Variants in NUP210 observed in about 807,000 individuals in gnomAD.
The protein encoded by NUP210 is nuclear pore membrane glycoprotein 210.
In NUP210, 151 loss-of-function variants were observed where a neutral mutation model predicts 196.0. That is an observed-to-expected ratio of 0.77 (90% CI 0.67 to 0.88). The LOEUF (loss-of-function observed/expected upper bound fraction) is 0.88, where lower values mean the gene tolerates loss of function less well. Among genes scored for constraint, NUP210 ranks in the 40% least tolerant of loss-of-function variants. The probability of loss-of-function intolerance (pLI) is 0.00; values close to 1 mark genes in which losing one functional copy is unlikely to be tolerated. For synonymous variants in NUP210, 1,070 were observed against 1,052.7 expected (o/e 1.02, Z -0.32); for missense variants, 2,314 against 2,493.7 (o/e 0.93, Z 1.53).
At chr3:13,392,954 A>G (rs1447933801) in intron 3 of NUP210, among the ~76,000 whole-genome samples, 1 of 151,418 alleles carries the variant, frequency 6.6e-6, no homozygotes, top group Non-Finnish European at 1.5e-5. Flanking sequence ...GGCCAGCTTT[A>G]CAGTGTGCTC....
chr3:13,333,928 G>T (rs1697104374), intron 28 of NUP210, among the ~76,000 whole-genome samples: 1 of 152,136 alleles, frequency 6.6e-6, no homozygotes, highest in Non-Finnish European at 1.5e-5. Context: ...ACTGATACTT[G>T]ATATCACTGT....
At chr3:13,393,629 G>A (rs1223767203) in intron 3 of NUP210, among the ~76,000 whole-genome samples, 3 of 152,236 alleles carry the variant, frequency 2.0e-5, no homozygotes, top group East Asian at 1.9e-4. Context: ...ACCCAGCTGC[G>A]TGGGCCCTGG....
chr3:13,339,799 A>G (rs1296802840), intron 25 of NUP210, 55 bp downstream of exon 25: 2 of 1,492,358 alleles, frequency 1.3e-6, no homozygotes, highest in African/African-American at 1.4e-5. Context: ...CAAACACAGT[A>G]AAGAGGCTTC....
At position 13,399,695 on chromosome 3, in the gene NUP210, C is replaced by A. The variant is rs372788480; in HGVS notation, c.304+30G>T. 1.7e-5 allele frequency: 28 copies of A among 1,613,394 alleles called. No homozygotes were observed. In the East Asian group the frequency reaches 6.2e-4, roughly 36 times the overall value. On this transcript the variant is annotated intron_variant, in intron 2 of 39. Coordinates refer to ENST00000254508, the MANE Select transcript of NUP210 (RefSeq NM_024923.4). ...GCGTTTCCCTGTCTCTGGCTCCCAC[C>A]GGGGATCACACACAGCACTCAGCCC...
At chr3:13,358,478 CCT>C in intron 15 of NUP210, 83 bp from the exon 16 acceptor site, 1 of 1,367,700 alleles carries the variant, frequency 7.3e-7, no homozygotes, top group Non-Finnish European at 9.9e-7. Flanking sequence ...ACCCCAGCTC[CCT>C]CTGACTCAGT....
rs751004485 is a variant in NUP210 at position 13,371,897 on chromosome 3, C to A, written c.1723G>T (p.Asp575Tyr). Residue 575 changes from aspartate to tyrosine, a missense_variant, in exon 13 of 40, where the codon GAC becomes TAC. Asp to Tyr is a radical substitution (Grantham distance 160, BLOSUM62 -3). Transcript: ENST00000254508. Reference sequence around the variant, plus strand: ...ACAGCCAAGTCAAAGTGGGAGCAGTCGCTCAAGGTGACCACCTCACTGGCC... The same window carrying A: ...ACAGCCAAGTCAAAGTGGGAGCAGTAGCTCAAGGTGACCACCTCACTGGCC... ...GGASEVVTLS[D>Y]CSHFDLAVEV... is the part of the protein sequence containing the mutation. The A allele has an allele frequency of 1.2e-6, 2 of 1,610,160 alleles. No individual in the cohort carries two copies. The highest frequency in any genetic ancestry group is 1.7e-6 in the Non-Finnish European group (2 of 1,178,542).
In NUP210 at chr3:13,379,765, A is replaced by T. The variant is rs975149806; in HGVS notation, c.818-44T>A. 15 of 1,517,796 alleles carry T rather than the reference A, an allele frequency of 9.9e-6. No homozygotes were observed. Among genetic ancestry groups the T allele is most frequent in the Non-Finnish European group, 1.3e-5 (15 of 1,130,780 alleles). The allele number at this position is 1,517,796 out of a possible 1,614,324, so 94.0% of individuals were successfully genotyped here. On this transcript the variant is annotated intron_variant, in intron 6 of 39. Coordinates refer to ENST00000254508, the MANE Select transcript of NUP210 (RefSeq NM_024923.4). This position sits in a 1 kb window ranked among gnomAD's most constrained non-coding sequence, Gnocchi z 4.2. ...AAAATAACAGGGAAAGAGAGAGCAA[A>T]GACAGGAAATGTTAGAAGCCAATAC...
In NUP210 at chr3:13,400,800, G is replaced by A. The variant is rs1191478286; in HGVS notation, c.168-939C>T. Among the ~76,000 whole-genome samples, 5 of 152,122 alleles carry A rather than the reference G, an allele frequency of 3.3e-5. No individual in the cohort carries two copies. In the South Asian group the frequency reaches 6.2e-4, roughly 19 times the overall value. ...AGGCCCCAGGAGGGGCCACTAAGCC[G>A]TGCCTGGCGCTTGTCTCTCGGGGCC... On this transcript the variant is annotated intron_variant, in intron 1 of 39. Coordinates refer to ENST00000254508, the MANE Select transcript of NUP210 (RefSeq NM_024923.4).
Position 13,375,169 on chromosome 3 carries a change from G to A in NUP210, c.1431+335C>T, listed in dbSNP as rs142937265. ...TTTTTTTTTTTTTTCCTTTTTTTGA[G>A]TAGAGATGGAGGTCTCCCTATGTTG... On this transcript the variant is annotated intron_variant, in intron 11 of 39. Transcript: ENST00000254508. 2.1e-3 allele frequency among the ~76,000 whole-genome samples: 280 copies of A among 132,244 alleles called. 1 individual carries two copies. Among genetic ancestry groups the A allele is most frequent in the Non-Finnish European group, 3.5e-3 (221 of 63,440 alleles). 86.8% of individuals were successfully genotyped at this position (132,244 alleles called of 152,430 possible).
At chr3:13,332,412 G>A (rs370417888) in intron 28 of NUP210, 28 bp from the exon 29 acceptor site, 45 of 1,555,706 alleles carry the variant, frequency 2.9e-5, no homozygotes, top group African/African-American at 2.2e-4. Context: ...TTTCACTTCC[G>A]ATGGGGCACT....
chr3:13,351,643 T>C (rs1697975556), intron 20 of NUP210: 2 of 469,664 alleles, frequency 4.3e-6, no homozygotes, highest in South Asian at 4.5e-5. Flanking sequence ...TGTGCTACCA[T>C]GCCCAGCTAA....
At chr3:13,402,847 C>T (rs574836665) in intron 1 of NUP210, among the ~76,000 whole-genome samples, 69 of 152,352 alleles carry the variant, frequency 4.5e-4, no homozygotes, top group Admixed American at 1.7e-3. Flanking sequence ...CTTCCCTCAA[C>T]ATCCCCACCA....
rs1471571537 is a variant in NUP210 at position 13,380,810 on chromosome 3, G to A, written c.818-1089C>T. Among the ~76,000 whole-genome samples the A allele has an allele frequency of 2.0e-5, 3 of 152,258 alleles. No homozygotes were observed. The East Asian group carries it at 5.8e-4, about 29-fold the overall frequency. On this transcript the variant is annotated intron_variant, in intron 6 of 39. Transcript: ENST00000254508. ...TTTCAGAATCTCCAGGGATTCTGATGAGAATTCTAAAAGAGAGGAAACTTG... is the reference window on the plus strand; with the variant it reads ...TTTCAGAATCTCCAGGGATTCTGATAAGAATTCTAAAAGAGAGGAAACTTG...
intron 20 of NUP210, among the ~76,000 whole-genome samples, chr3:13,349,432 A>G (rs1188389418): frequency 6.6e-6 from 1 of 152,084 alleles, no homozygotes; most frequent in African/African-American, 2.4e-5. Flanking sequence ...CATTCGTGGG[A>G]TGGAGGCTCT....
intron 14 of NUP210, 90 bp from the exon 15 acceptor site, chr3:13,360,581 T>G: frequency 1.0e-6 from 1 of 984,194 alleles, no homozygotes; most frequent in Non-Finnish European, 1.5e-6. Flanking sequence ...TCACCCCGCT[T>G]GTGGGGGCTG....
At position 13,317,708 on chromosome 3, in the gene NUP210, C is replaced by A. The variant is rs1441779497; in HGVS notation, c.5637G>T (p.Leu1879=). 3 of 1,610,782 alleles carry A rather than the reference C, an allele frequency of 1.9e-6. No individual in the cohort carries two copies. Among genetic ancestry groups the A allele is most frequent in the Non-Finnish European group, 2.5e-6 (3 of 1,178,868 alleles). The change falls in exon 40 of 40, where the codon CTG becomes CTT. Residue 1879 remains leucine (L), a synonymous_variant. Transcript: ENST00000254508. ...PARKASPPSG[L]WSPAYASH is the part of the protein sequence containing the mutation. ...AGTGGGAGGCATAGGCTGGGCTCCA[C>A]AGCCCTGAGGGAGGGCTGGCTTTGC... is the stretch of plus-strand genomic sequence containing the variant.
Position 13,340,040 on chromosome 3 carries a change from G to A in NUP210, c.3292-7C>T, listed in dbSNP as rs750018694. 3.2e-5 allele frequency: 51 copies of A among 1,612,444 alleles called. No homozygotes were observed. In the Middle Eastern group the frequency reaches 4.9e-4, roughly 16 times the overall value. On this transcript the variant is annotated splice_region_variant and splice_polypyrimidine_tract_variant and intron_variant, in intron 24 of 39. Coordinates refer to ENST00000254508, the MANE Select transcript of NUP210 (RefSeq NM_024923.4). The surrounding 1 kb of genome is among the most constrained non-coding windows in gnomAD (Gnocchi z 4.0). Reference sequence around the variant, plus strand: ...GGCCGCCCTCGGAGGTGACCTGAGCGGGGAGGAAACAGCGGCGTGTCAGTG... The same window carrying A: ...GGCCGCCCTCGGAGGTGACCTGAGCAGGGAGGAAACAGCGGCGTGTCAGTG...
chr3:13,359,116 C>A lies in NUP210; in HGVS notation c.2155-721G>T, dbSNP rs182095113. On this transcript the variant is annotated intron_variant, in intron 15 of 39. Coordinates refer to ENST00000254508, the MANE Select transcript of NUP210 (RefSeq NM_024923.4). Reference sequence around the variant, plus strand: ...GACACGAGCCCCTACCCCTCCTGACCATAAGGCAGGACCAAGGGCAGTGTC... The same window carrying A: ...GACACGAGCCCCTACCCCTCCTGACAATAAGGCAGGACCAAGGGCAGTGTC... Among the ~76,000 whole-genome samples, 294 of 152,240 alleles carry A rather than the reference C, an allele frequency of 1.9e-3. 2 individuals are homozygous for A. The highest frequency in any genetic ancestry group is 6.7e-3 in the African/African-American group (280 of 41,552).
At chr3:13,371,782 C>T in intron 13 of NUP210, 52 bp downstream of exon 13, 4 of 1,514,584 alleles carry the variant, frequency 2.6e-6, no homozygotes, top group Non-Finnish European at 3.6e-6. Flanking sequence ...AGAACCCAGA[C>T]AATCTGGCCC....
Sources: allele counts gnomAD v4.1 joint callset (sites outside exome capture counted in the v4.1 genomes callset), GRCh38; gene constraint gnomAD v4.1.1; non-coding constraint Gnocchi (gnomAD v3.1); transcripts MANE v1.5; gene names NCBI Gene and HGNC (gene_info 2026-07-23, HGNC 2026-07-21).